Variants in CNTNAP4 observed in about 807,000 individuals in gnomAD.
CNTNAP4 encodes the protein contactin associated protein family member 4.
Under a neutral mutation model 148.4 loss-of-function variants are expected in CNTNAP4, and 98 were observed. That is an observed-to-expected ratio of 0.66 (90% CI 0.56 to 0.78). The LOEUF is 0.78. Among genes scored for constraint, CNTNAP4 ranks in the 30% least tolerant of loss-of-function variants. The probability of loss-of-function intolerance (pLI) is 0.00; values close to 1 mark genes in which losing one functional copy is unlikely to be tolerated. For synonymous variants in CNTNAP4, 730 were observed against 565.1 expected (o/e 1.29, Z -4.14); for missense variants, 1,935 against 1,565.6 (o/e 1.24, Z -3.98).
intron 2 of CNTNAP4, among the ~76,000 whole-genome samples, chr16:76,352,794 C>T (rs891025485): frequency 1.3e-5 from 2 of 152,056 alleles, no homozygotes; most frequent in African/African-American, 2.4e-5. Flanking sequence ...GAGCAGTTCC[C>T]GCAGAGTTCA....
intron 3 of CNTNAP4, among the ~76,000 whole-genome samples, chr16:76,408,272 TAAAGA>T (rs2078670677): frequency 6.6e-6 from 1 of 151,932 alleles, no homozygotes; most frequent in African/African-American, 2.4e-5. Flanking sequence ...CTATGATAAG[TAAAGA>T]AATGTTATAA....
At chr16:76,463,160 A>G (rs1330113978) in intron 9 of CNTNAP4, among the ~76,000 whole-genome samples, 5 of 152,226 alleles carry the variant, frequency 3.3e-5, no homozygotes, top group East Asian at 1.9e-4. Flanking sequence ...TTTGGAATAT[A>G]TGATTGATTT....
intron 23 of CNTNAP4, among the ~76,000 whole-genome samples, chr16:76,555,266 A>C (rs2085145991): frequency 6.6e-6 from 1 of 152,180 alleles, no homozygotes; most frequent in Middle Eastern, 3.2e-3. Flanking sequence ...ATGCTATTTC[A>C]GTTGCTTTTC....
intron 2 of CNTNAP4, among the ~76,000 whole-genome samples, chr16:76,318,184 A>T (rs929868984): frequency 6.6e-6 from 1 of 152,190 alleles, no homozygotes; most frequent in East Asian, 1.9e-4. Flanking sequence ...GTGCTTCTTT[A>T]TAGAGAAAAA....
At chr16:76,403,295 G>T (rs1412795916) in intron 3 of CNTNAP4, among the ~76,000 whole-genome samples, 1 of 151,892 alleles carries the variant, frequency 6.6e-6, no homozygotes, top group Non-Finnish European at 1.5e-5. Flanking sequence ...GGGTTTCATT[G>T]TGTTAGCCAG....
chr16:76,401,494 G>A (rs1373923732), intron 3 of CNTNAP4, among the ~76,000 whole-genome samples: 1 of 152,152 alleles, frequency 6.6e-6, no homozygotes, highest in South Asian at 2.1e-4. Flanking sequence ...TCTGCAAACA[G>A]GGATAGTTTG....
chr16:76,304,330 A>T (rs1029400023), intron 1 of CNTNAP4, among the ~76,000 whole-genome samples: 1 of 152,146 alleles, frequency 6.6e-6, no homozygotes, highest in African/African-American at 2.4e-5. Context: ...AGGTAACCTG[A>T]TATTGATCTT....
At chr16:76,395,413 G>A (rs1014589268) in intron 3 of CNTNAP4, among the ~76,000 whole-genome samples, 8 of 151,502 alleles carry the variant, frequency 5.3e-5, no homozygotes, top group African/African-American at 1.9e-4. Flanking sequence ...TTACAGGCAC[G>A]TGCCACCACA....
chr16:76,527,212 GCTT>G (rs1434343369), intron 17 of CNTNAP4, among the ~76,000 whole-genome samples: 1 of 152,068 alleles, frequency 6.6e-6, no homozygotes, highest in Non-Finnish European at 1.5e-5. Context: ...AGTAAATTGG[GCTT>G]CTTTGTTTAT....
intron 21 of CNTNAP4, among the ~76,000 whole-genome samples, chr16:76,550,798 T>C (rs920072484): frequency 3.3e-5 from 5 of 152,170 alleles, no homozygotes; most frequent in Non-Finnish European, 7.4e-5. Flanking sequence ...CCATACACAT[T>C]GATGAACTGC....
chr16:76,288,763 G>T (rs189591352), intron 1 of CNTNAP4, among the ~76,000 whole-genome samples: 1 of 152,142 alleles, frequency 6.6e-6, no homozygotes, highest in Admixed American at 6.5e-5. Flanking sequence ...AAAACAATAC[G>T]TTGATGGATG....
chr16:76,462,124 C>CCCGAATAAA lies in CNTNAP4; in HGVS notation c.1483+19_1483+20insCCGAATAAA. 1 of 1,604,278 alleles carries CCCGAATAAA rather than the reference C, an allele frequency of 6.2e-7. No homozygotes were observed. The highest frequency in any genetic ancestry group is 8.5e-7 in the Non-Finnish European group (1 of 1,173,770). On this transcript the variant is annotated intron_variant, in intron 9 of 23. Coordinates refer to ENST00000611870, the MANE Select transcript of CNTNAP4 (RefSeq NM_033401.5). ...TTTGGAGGTAAGAATAGGTGCCAGGCTCTATGAGCAACTGAACCATATTTG... is the reference window on the plus strand; with the variant it reads ...TTTGGAGGTAAGAATAGGTGCCAGGCCCGAATAAATCTATGAGCAACTGAACCATATTTG...
intron 3 of CNTNAP4, among the ~76,000 whole-genome samples, chr16:76,408,435 G>T (rs546957340): frequency 5.1e-5 from 7 of 137,344 alleles, no homozygotes; most frequent in African/African-American, 2.5e-4. Context: ...ACATTCACTA[G>T]ATACACACAA....
intron 1 of CNTNAP4, among the ~76,000 whole-genome samples, chr16:76,315,506 T>A (rs1386288155): frequency 6.6e-6 from 1 of 152,226 alleles, no homozygotes; most frequent in Non-Finnish European, 1.5e-5. Flanking sequence ...TTTGCTAGTC[T>A]AATGTCCATA....
intron 3 of CNTNAP4, among the ~76,000 whole-genome samples, chr16:76,356,908 A>G (rs1414116536): frequency 6.6e-6 from 1 of 152,196 alleles, no homozygotes; most frequent in Non-Finnish European, 1.5e-5. Flanking sequence ...TGTAAATTGA[A>G]TTGAGAGAAG....
rs114210813 is a variant in CNTNAP4, at chr16:76,484,426, C to T, written c.1882+4888C>T. Among the ~76,000 whole-genome samples, 349 of 152,176 alleles carry T rather than the reference C, an allele frequency of 2.3e-3. 1 individual carries two copies. The highest frequency in any genetic ancestry group is 7.7e-3 in the African/African-American group (321 of 41,522). Reference sequence around the variant, plus strand: ...AGCAAGATGTTCAGAAACACAGATACCCAGAGACAGCTAAATGTCTCCAGT... The same window carrying T: ...AGCAAGATGTTCAGAAACACAGATATCCAGAGACAGCTAAATGTCTCCAGT... On this transcript the variant is annotated intron_variant, in intron 12 of 23. Transcript: ENST00000611870.
intron 3 of CNTNAP4, among the ~76,000 whole-genome samples, chr16:76,425,802 TG>T (rs1477355601): frequency 6.6e-6 from 1 of 152,120 alleles, no homozygotes; most frequent in Admixed American, 6.5e-5. Context: ...TAGAGCATAA[TG>T]GAAGTGGTTG....
At chr16:76,449,915 A>G in intron 7 of CNTNAP4, 57 bp downstream of exon 7, 1 of 1,458,460 alleles carries the variant, frequency 6.9e-7, no homozygotes, top group Non-Finnish European at 9.2e-7. Flanking sequence ...TCCACACAGT[A>G]AAATTCCTCC....
chr16:76,396,682 A>G (rs114130093), intron 3 of CNTNAP4, among the ~76,000 whole-genome samples: 1 of 152,190 alleles, frequency 6.6e-6, no homozygotes, highest in Non-Finnish European at 1.5e-5. Flanking sequence ...AGTGGTCAGG[A>G]GCTGCTCCCA....
Sources: gnomAD v4.1 joint callset for allele counts (sites outside exome capture counted in the v4.1 genomes callset) on GRCh38, gnomAD v4.1.1 for gene constraint, MANE v1.5 for transcripts, NCBI Gene and HGNC (gene_info 2026-07-23, HGNC 2026-07-21) for gene names.